The following SCUBE1 variants were observed in gnomAD, a reference collection of about 807,000 sequenced individuals.
SCUBE1 encodes the protein signal peptide, CUB domain and EGF like domain containing 1.
SCUBE1 carries 59 observed loss-of-function variants against 124.4 expected under a neutral mutation model. The ratio of observed to expected loss-of-function variants is 0.47; its 90% CI spans 0.38 to 0.59. The LOEUF is 0.59. SCUBE1 is among the 20% of genes least tolerant of loss of function. SCUBE1 has a pLI of 0.00. For missense variants in SCUBE1, 1,150 were observed against 1,371.2 expected (o/e 0.84, Z 2.55); for synonymous variants, 545 against 550.9 (o/e 0.99, Z 0.15).
At chr22:43,317,680 G>A (rs774524364) in intron 3 of SCUBE1, among the ~76,000 whole-genome samples, 23 of 152,230 alleles carry the variant, frequency 1.5e-4, no homozygotes, top group Admixed American at 9.2e-4. Flanking sequence ...TGAGAGCCAC[G>A]TGTTTCCCAT....
At chr22:43,212,747 C>T in intron 16 of SCUBE1, 155 bp from the exon 17 acceptor site, 1 of 716,010 alleles carries the variant, frequency 1.4e-6, no homozygotes, top group South Asian at 1.9e-5. Flanking sequence ...GAAAACGCAG[C>T]AGCCGGGGTG....
rs1037686017 is a variant in SCUBE1, at chr22:43,255,546, C to A, written c.727+2673G>T. On this transcript the variant is annotated intron_variant, in intron 6 of 21. Transcript: ENST00000360835. This position sits in a 1 kb window ranked among gnomAD's most constrained non-coding sequence, Gnocchi z 4.7. ...CATCAGCTACTGACGTGGCATTGAA[C>A]TGAGAGCGCTCAATTGCAGCCTCAT... is the stretch of plus-strand genomic sequence containing the variant. The A allele has an allele frequency of 6.4e-7, 1 of 1,550,464 alleles. No individual in the cohort carries two copies. Among genetic ancestry groups the A allele is most frequent in the Non-Finnish European group, 8.7e-7 (1 of 1,147,006 alleles).
intron 3 of SCUBE1, among the ~76,000 whole-genome samples, chr22:43,318,972 T>G (rs1926446250): frequency 6.6e-6 from 1 of 152,178 alleles, no homozygotes; most frequent in African/African-American, 2.4e-5. Flanking sequence ...TCCACCCGCC[T>G]TGGCCTCCCA....
chr22:43,294,671 A>AGAGCT (rs1925493385), intron 3 of SCUBE1, among the ~76,000 whole-genome samples: 1 of 152,198 alleles, frequency 6.6e-6, no homozygotes, highest in African/African-American at 2.4e-5. Context: ...AAGTGCTCCC[A>AGAGCT]GAGCTTGAGG....
intron 14 of SCUBE1, among the ~76,000 whole-genome samples, chr22:43,219,138 G>C (rs1005613814): frequency 1.3e-5 from 2 of 152,178 alleles, no homozygotes; most frequent in Admixed American, 6.5e-5. Flanking sequence ...CCTAATGCTG[G>C]GGGTGGGGCC....
rs990725352 is a variant in SCUBE1 at position 43,210,639 on chromosome 22, G to A, written c.2383+283C>T. Among the ~76,000 whole-genome samples, 7 of 152,230 alleles carry A rather than the reference G, an allele frequency of 4.6e-5. No individual in the cohort carries two copies. The highest frequency in any genetic ancestry group is 1.4e-4 in the African/African-American group (6 of 41,468). The stretch of plus-strand genomic sequence containing the variant: ...CCCAGCAGACCCAGAAACTAGAGCA[G>A]GGCCTGGCCCAGGGCAGAGGCTTGG... On this transcript the variant is annotated intron_variant, in intron 18 of 21. Coordinates refer to ENST00000360835, the MANE Select transcript of SCUBE1 (RefSeq NM_173050.5). This position sits in a 1 kb window ranked among gnomAD's most constrained non-coding sequence, Gnocchi z 4.5.
At position 43,279,666 on chromosome 22, in the gene SCUBE1, C is replaced by T. The variant is rs551947245; in HGVS notation, c.484+11380G>A. 2.6e-5 allele frequency among the ~76,000 whole-genome samples: 4 copies of T among 152,294 alleles called. No individual in the cohort carries two copies. The East Asian group carries it at 5.8e-4, about 22-fold the overall frequency. Reference sequence around the variant, plus strand: ...GGCAATCTTTTTTGCTGACTGATGGCGTGGGCAAGGGCATGCTCTCCTGGG... The same window carrying T: ...GGCAATCTTTTTTGCTGACTGATGGTGTGGGCAAGGGCATGCTCTCCTGGG... On this transcript the variant is annotated intron_variant, in intron 4 of 21. Transcript: ENST00000360835.
chr22:43,322,278 C>T (rs1369442856), intron 2 of SCUBE1, among the ~76,000 whole-genome samples: 2 of 152,118 alleles, frequency 1.3e-5, no homozygotes, highest in African/African-American at 2.4e-5. Context: ...CCACCTCGTC[C>T]GGCATAGATT....
rs146345603 is a variant in SCUBE1, at chr22:43,210,230, G to A, written c.2394C>T (p.Cys798=). 165 of 1,553,726 alleles carry A rather than the reference G, an allele frequency of 1.1e-4. No homozygotes were observed. The highest frequency in any genetic ancestry group is 1.4e-4 in the Admixed American group (8 of 57,014). The change falls in exon 19 of 22, where the codon TGC becomes TGT. Residue 798 remains cysteine, a synonymous_variant. Coordinates refer to ENST00000360835, the MANE Select transcript of SCUBE1 (RefSeq NM_173050.5). This position sits in a 1 kb window ranked among gnomAD's most constrained non-coding sequence, Gnocchi z 4.5. ...CGGTGTAGTCACCAAGCTCGCCGCC[G>A]CAGTGCTGGTCTGTGGGCACAGTGG... is the stretch of plus-strand genomic sequence containing the variant. ...TNVTHCKNQH[C]GGELGDYTGY...
chr22:43,268,724 G>T (rs1222925404), intron 4 of SCUBE1, among the ~76,000 whole-genome samples: 1 of 152,238 alleles, frequency 6.6e-6, no homozygotes, highest in Non-Finnish European at 1.5e-5. Flanking sequence ...CCAGTCTCTG[G>T]GTGAGTGAGG....
chr22:43,314,377 C>G (rs917996039), intron 3 of SCUBE1, among the ~76,000 whole-genome samples: 1 of 152,136 alleles, frequency 6.6e-6, no homozygotes, highest in African/African-American at 2.4e-5. Flanking sequence ...GTAGTTCACT[C>G]TAGCTGCTGC....
At chr22:43,343,092 CG>C in intron 1 of SCUBE1, 81 bp downstream of exon 1, 1 of 643,832 alleles carries the variant, frequency 1.6e-6, no homozygotes, top group Non-Finnish European at 2.0e-6. Flanking sequence ...TCGGGATCCG[CG>C]GGGAAGAAGC....
intron 2 of SCUBE1, among the ~76,000 whole-genome samples, chr22:43,324,613 A>C (rs1926661861): frequency 6.6e-6 from 1 of 152,140 alleles, no homozygotes; most frequent in Non-Finnish European, 1.5e-5. Context: ...CCAGCTAAAA[A>C]AATTTGCCAA....
intron 21 of SCUBE1, among the ~76,000 whole-genome samples, chr22:43,205,711 CCA>C (rs1199815093): frequency 9.1e-6 from 1 of 109,872 alleles, no homozygotes; most frequent in South Asian, 3.0e-4. Flanking sequence ...CACCCACTCA[CCA>C]CACACTCACC....
rs776220252 is a variant in SCUBE1 at position 43,209,979 on chromosome 22, C to T, written c.2581+64G>A. On this transcript the variant is annotated intron_variant, in intron 19 of 21. Transcript: ENST00000360835. The stretch of plus-strand genomic sequence containing the variant: ...AGGCAGCGATCCCGCCTGGCAGAAC[C>T]GCAGCGAGACGGGGGTGCACACGCA... The T allele has an allele frequency of 3.8e-5, 57 of 1,495,806 alleles. No individual in the cohort carries two copies. The African/African-American group carries it at 7.0e-4, about 18-fold the overall frequency. 92.7% of individuals were successfully genotyped at this position (1,495,806 alleles called of 1,614,324 possible). A position where few individuals can be genotyped will look rare whatever the true frequency, so the allele number is the denominator to read the frequency against.
chr22:43,207,694 C>T (rs1163530015), intron 20 of SCUBE1, 81 bp from the exon 21 acceptor site: 3 of 1,094,296 alleles, frequency 2.7e-6, no homozygotes, highest in Non-Finnish European at 2.8e-6. Flanking sequence ...AGCCTCTGCC[C>T]TCCCTCCTGT....
In SCUBE1 at chr22:43,210,968, G is replaced by A. The variant is rs1921523279; in HGVS notation, c.2337C>T (p.Asn779=). The change falls in exon 18 of 22, where the codon AAC becomes AAT. Residue 779 remains asparagine (N), a synonymous_variant. Coordinates refer to ENST00000360835, the MANE Select transcript of SCUBE1 (RefSeq NM_173050.5). The surrounding 1 kb of genome is among the most constrained non-coding windows in gnomAD (Gnocchi z 4.5). The part of the protein sequence containing the change: ...GQNHCITCPG[N]TSTDFDGSTN... ...TGGAGCCATCGAAGTCTGTGCTGGT[G>A]TTGCCCGGACAGGTGATGCAGTGGT... 3.7e-6 allele frequency: 6 copies of A among 1,614,024 alleles called. No homozygotes were observed. Among genetic ancestry groups the A allele is most frequent in the Admixed American group, 3.3e-5 (2 of 60,012 alleles).
At chr22:43,204,972 A>G (rs1204244493) in intron 21 of SCUBE1, among the ~76,000 whole-genome samples, 1 of 151,946 alleles carries the variant, frequency 6.6e-6, no homozygotes, top group Non-Finnish European at 1.5e-5. Context: ...TTTATTAACA[A>G]AGGGTCCCGC....
chr22:43,277,885 G>T (rs762186768), intron 4 of SCUBE1, among the ~76,000 whole-genome samples: 2 of 152,230 alleles, frequency 1.3e-5, no homozygotes, highest in African/African-American at 2.4e-5. Flanking sequence ...AGAGAAGGAC[G>T]CCAGGGCTGG....
Sources: gnomAD v4.1 joint callset for allele counts (sites outside exome capture counted in the v4.1 genomes callset) on GRCh38, gnomAD v4.1.1 for gene constraint, Gnocchi (gnomAD v3.1) non-coding constraint, MANE v1.5 for transcripts, NCBI Gene and HGNC (gene_info 2026-07-23, HGNC 2026-07-21) for gene names.